The following COL17A1 variants were observed in gnomAD, a reference collection of about 807,000 sequenced individuals.
COL17A1 encodes the protein collagen type XVII alpha 1 chain, also known as collagen alpha-1(XVII) chain.
COL17A1 carries 181 observed loss-of-function variants against 218.4 expected under a neutral mutation model. The ratio of observed to expected loss-of-function variants is 0.83; its 90% CI spans 0.73 to 0.94. The LOEUF is 0.94. Ranked by LOEUF, COL17A1 falls within the 40% of genes least tolerant of loss-of-function variation. The probability of loss-of-function intolerance (pLI) is 0.00; values close to 1 mark genes in which losing one functional copy is unlikely to be tolerated. For missense variants in COL17A1, 1,924 were observed against 1,945.9 expected, an observed-to-expected ratio of 0.99 and a Z score of 0.21; for synonymous variants, 721 against 731.0, an observed-to-expected ratio of 0.99 and a Z score of 0.22.
intron 43 of COL17A1, 74 bp downstream of exon 43, chr10:104,039,371 C>G (rs950126684): frequency 2.0e-6 from 3 of 1,489,128 alleles, no homozygotes; most frequent in Non-Finnish European, 2.8e-6. Context: ...TTGCTGCCAT[C>G]TCTTCAGGCT....
chr10:104,038,870 T>A (rs993807667), intron 44 of COL17A1, among the ~76,000 whole-genome samples: 2 of 152,196 alleles, frequency 1.3e-5, no homozygotes. Flanking sequence ...GGTATCATTA[T>A]ATGTACCTGG....
chr10:104,044,230 A>G (rs2086387969), intron 33 of COL17A1, among the ~76,000 whole-genome samples: 1 of 152,238 alleles, frequency 6.6e-6, no homozygotes, highest in African/African-American at 2.4e-5. Flanking sequence ...CAAAGGACAG[A>G]GGCGATGAGC....
chr10:104,081,894 A>G (rs2086767731), intron 1 of COL17A1, among the ~76,000 whole-genome samples: 1 of 152,202 alleles, frequency 6.6e-6, no homozygotes, highest in African/African-American at 2.4e-5. Context: ...CCTTCTTTAT[A>G]CCAGTGCAGT....
At position 104,036,613 on chromosome 10, in the gene COL17A1, G is replaced by A; in HGVS notation, c.3297C>T (p.Tyr1099=). 1 of 1,613,930 alleles carries A rather than the reference G, an allele frequency of 6.2e-7. No homozygotes were observed. The highest frequency in any genetic ancestry group is 1.1e-5 in the South Asian group (1 of 91,080). Residue 1099 remains tyrosine (Y), a synonymous_variant, in exon 48 of 56, where the codon TAC becomes TAT. Transcript: ENST00000648076. ...AVLQRDDVRQ[Y]LRQYLMGPRG... is the part of the protein sequence containing the mutation. ...GAGGGCCCATCAAGTACTGACGTAGGTACTGACGCACGTCATCCCCTGGAG... is the reference window on the plus strand; with the variant it reads ...GAGGGCCCATCAAGTACTGACGTAGATACTGACGCACGTCATCCCCTGGAG...
At chr10:104,051,835 G>A (rs540118096) in intron 24 of COL17A1, among the ~76,000 whole-genome samples, 19 of 152,284 alleles carry the variant, frequency 1.2e-4, no homozygotes, top group South Asian at 1.0e-3. Flanking sequence ...CATCTGGGCC[G>A]CAGTCAGTCA....
chr10:104,035,164 G>A (rs996947828), intron 50 of COL17A1, 99 bp downstream of exon 50: 71 of 1,024,086 alleles, frequency 6.9e-5, no homozygotes, highest in Non-Finnish European at 1.0e-4. Context: ...CACTGTACAG[G>A]CTCCAGGAGC....
chr10:104,072,173 CTGCTCTGACATTT>C, intron 7 of COL17A1, 94 bp from the exon 8 acceptor site: 2 of 1,563,512 alleles, frequency 1.3e-6, no homozygotes, highest in Admixed American at 3.6e-5. Context: ...GCCCTTTAGG[CTGCTCTGACATTT>C]CTGAGCTCTG....
chr10:104,046,673 G>C, intron 32 of COL17A1, 74 bp downstream of exon 32: 2 of 1,482,228 alleles, frequency 1.3e-6, no homozygotes, highest in Non-Finnish European at 1.9e-6. Flanking sequence ...GGTGACTGCA[G>C]GAAAAGCCCT....
In COL17A1 at chr10:104,058,166, T is replaced by C. The variant is rs779493060; in HGVS notation, c.1247A>G (p.Lys416Arg). ...CCCACCTGCAGTGGTGGTCTTGCCC[T>C]TTGTGGACACAGTCTTCAGGTCTCC... ...ANGDLKTVST[K>R]GKTTTADIHS... The change falls in exon 16 of 56, where the codon AAG becomes AGG. Residue 416 changes from lysine (K) to arginine (R), a missense_variant. By Grantham distance (26) the Lys-to-Arg change is conservative. Transcript: ENST00000648076. 1 of 1,614,100 alleles carries C rather than the reference T, an allele frequency of 6.2e-7. No individual in the cohort carries two copies. The highest frequency in any genetic ancestry group is 1.3e-5 in the African/African-American group (1 of 74,942).
rs754865574 is a variant in COL17A1, at chr10:104,076,381, T to C, written c.251A>G (p.His84Arg). Residue 84 changes from histidine (H) to arginine (R), a missense_variant, in exon 5 of 56, where the codon CAC (histidine) becomes CGC (arginine). Coordinates refer to ENST00000648076, the MANE Select transcript of COL17A1 (RefSeq NM_000494.4). ...HASTSSYRRA[H>R]SPASTLPNSP... ...GTTGGGCAGAGTGGAGGCAGGTGAG[T>C]GAGCCCTCCTGTAACTAGAGGTGGA... The C allele has an allele frequency of 2.5e-6, 4 of 1,613,864 alleles. No homozygotes were observed. The highest frequency in any genetic ancestry group is 2.5e-6 in the Non-Finnish European group (3 of 1,179,992).
chr10:104,034,496 C>T (rs957872676), intron 51 of COL17A1, 125 bp downstream of exon 51: 37 of 1,502,514 alleles, frequency 2.5e-5, no homozygotes, highest in South Asian at 1.9e-4. Context: ...GGAAGGAAAC[C>T]GGGCTTACCC....
chr10:104,033,183 C>G (rs1335900438), intron 53 of COL17A1, 55 bp downstream of exon 53: 7 of 1,560,946 alleles, frequency 4.5e-6, no homozygotes, highest in South Asian at 1.2e-5. Flanking sequence ...TGGAGCAGAC[C>G]CGTGGGAACC....
chr10:104,067,331 G>GAAGAAA (rs748198815), intron 9 of COL17A1, among the ~76,000 whole-genome samples: 2 of 22,158 alleles, frequency 9.0e-5, no homozygotes, highest in East Asian at 1.4e-3. Flanking sequence ...AGAGGCTCAG[G>GAAGAAA]AATAAAAAAA....
chr10:104,054,722 C>T (rs1050063581), intron 20 of COL17A1, among the ~76,000 whole-genome samples: 1 of 152,102 alleles, frequency 6.6e-6, no homozygotes, highest in African/African-American at 2.4e-5. Flanking sequence ...GTCAAAGGCT[C>T]GGGAAATGTG....
chr10:104,034,685 G>C lies in COL17A1; in HGVS notation c.3702C>G (p.Ala1234=). The change falls in exon 51 of 56, where the codon GCC becomes GCG. Residue 1234 remains alanine, a synonymous_variant. Transcript: ENST00000648076. Reference sequence around the variant, plus strand: ...TGTTTTCAGCTGCATAGGTTGCCAGGGCTCCTGAGACACCCGGGGGCCCTC... The same window carrying C: ...TGTTTTCAGCTGCATAGGTTGCCAGCGCTCCTGAGACACCCGGGGGCCCTC... ...GPRGPPGVSG[A]LATYAAENSD... is the part of the protein sequence containing the mutation. 1.2e-6 allele frequency: 2 copies of C among 1,610,684 alleles called. No homozygotes were observed. The highest frequency in any genetic ancestry group is 2.7e-5 in the African/African-American group (2 of 75,014).
intron 29 of COL17A1, 25 bp downstream of exon 29, chr10:104,049,384 G>A (rs1564676839): frequency 1.2e-6 from 2 of 1,612,370 alleles, no homozygotes; most frequent in East Asian, 4.5e-5. Context: ...GGAACTCACT[G>A]AATCCATTCC....
At chr10:104,059,545 G>C (rs1168360352) in intron 15 of COL17A1, 93 bp downstream of exon 15, 2 of 1,175,904 alleles carry the variant, frequency 1.7e-6, no homozygotes, top group African/African-American at 3.0e-5. Context: ...CTGGCCCGTG[G>C]ACCACACTTT....
chr10:104,079,118 T>C (rs925871264), intron 2 of COL17A1, among the ~76,000 whole-genome samples: 2 of 152,190 alleles, frequency 1.3e-5, no homozygotes, highest in African/African-American at 4.8e-5. Flanking sequence ...GGAAGGGTGC[T>C]CCTGGTAAGT....
chr10:104,035,636 C>T, intron 48 of COL17A1, 73 bp from the exon 49 acceptor site: 1 of 1,236,718 alleles, frequency 8.1e-7, no homozygotes, highest in Non-Finnish European at 1.2e-6. Context: ...AGGTCGGATA[C>T]AGAAGAGGTT....
Sources: gnomAD v4.1 joint callset for allele counts (sites outside exome capture counted in the v4.1 genomes callset) on GRCh38, gnomAD v4.1.1 for gene constraint, MANE v1.5 for transcripts, NCBI Gene and HGNC (gene_info 2026-07-23, HGNC 2026-07-21) for gene names.